Variants in ADAMTS19 observed in about 807,000 individuals in gnomAD.
ADAMTS19 encodes the protein ADAM metallopeptidase with thrombospondin type 1 motif 19.
ADAMTS19 carries 93 observed loss-of-function variants against 153.3 expected under a neutral mutation model. The observed-to-expected ratio is 0.61, with a 90% CI of 0.51 to 0.72. ADAMTS19 has a LOEUF of 0.72. ADAMTS19 is among the 30% of genes least tolerant of loss of function. The pLI is 0.00. For missense variants in ADAMTS19, 1,482 were observed against 1,552.1 expected, an observed-to-expected ratio of 0.95 and a Z score of 0.76; for synonymous variants, 600 against 556.6, an observed-to-expected ratio of 1.08 and a Z score of -1.10.
chr5:129,679,942 A>G (rs13179453), intron 17 of ADAMTS19, 21 bp downstream of exon 17: 26,281 of 1,599,512 alleles, frequency 0.016, 309 homozygotes, highest in Non-Finnish European at 0.02. Flanking sequence ...ATGAATTGAT[A>G]ACATGGCATA....
chr5:129,547,903 T>G (rs1277420926), intron 6 of ADAMTS19, among the ~76,000 whole-genome samples: 3 of 150,736 alleles, frequency 2.0e-5, no homozygotes, highest in Non-Finnish European at 4.4e-5. Flanking sequence ...TTGACAAACC[T>G]GACAAAAACA....
At chr5:129,504,872 GACACACACAC>G (rs34742030) in intron 2 of ADAMTS19, among the ~76,000 whole-genome samples, 9 of 148,110 alleles carry the variant, frequency 6.1e-5, no homozygotes, top group Non-Finnish European at 9.0e-5. Flanking sequence ...CACACACACA[GACACACACAC>G]ACACACACAC....
At chr5:129,503,193 C>G (rs1236712558) in intron 2 of ADAMTS19, among the ~76,000 whole-genome samples, 2 of 152,118 alleles carry the variant, frequency 1.3e-5, no homozygotes, top group Non-Finnish European at 2.9e-5. Context: ...TTCTCATAGC[C>G]TTATAGGCCT....
chr5:129,667,256 A>T (rs1316512307), intron 16 of ADAMTS19, among the ~76,000 whole-genome samples: 1 of 152,114 alleles, frequency 6.6e-6, no homozygotes. Context: ...ATATTCCCAT[A>T]CTATGGGGTT....
At chr5:129,602,057 C>G (rs1750671397) in intron 8 of ADAMTS19, among the ~76,000 whole-genome samples, 1 of 149,498 alleles carries the variant, frequency 6.7e-6, no homozygotes, top group African/African-American at 2.4e-5. Context: ...TTAGACCACT[C>G]AAACTTGTGA....
intron 18 of ADAMTS19, 23 bp from the exon 19 acceptor site, chr5:129,694,693 ATTTC>A: frequency 6.6e-7 from 1 of 1,506,614 alleles, no homozygotes; most frequent in Non-Finnish European, 8.9e-7. Context: ...TTATAATAAT[ATTTC>A]TTTGTTTATT....
chr5:129,461,834 T>A lies in ADAMTS19; in HGVS notation c.747+77T>A. The A allele has an allele frequency of 6.9e-7, 1 of 1,446,696 alleles. No homozygotes were observed. The highest frequency in any genetic ancestry group is 1.5e-5 in the South Asian group (1 of 66,754). The allele number at this position is 1,446,696 out of a possible 1,614,324, so 89.6% of individuals were successfully genotyped here. A position where few individuals can be genotyped will look rare whatever the true frequency, so the allele number is the denominator to read the frequency against. On this transcript the variant is annotated intron_variant, in intron 2 of 22. Coordinates refer to ENST00000274487, the MANE Select transcript of ADAMTS19 (RefSeq NM_133638.6). This position sits in a 1 kb window ranked among gnomAD's most constrained non-coding sequence, Gnocchi z 4.6. ...TGCCCATAGGTCAGGATGATTTGCA[T>A]GCACCTTCTCCCCTTTCAGTGTGCT...
At chr5:129,729,184 A>G (rs1303860519) in intron 21 of ADAMTS19, among the ~76,000 whole-genome samples, 2 of 152,116 alleles carry the variant, frequency 1.3e-5, no homozygotes, top group Admixed American at 1.3e-4. Context: ...TTATTTGCTA[A>G]AGGCAAATAA....
At chr5:129,616,436 C>A (rs1180045094) in intron 8 of ADAMTS19, among the ~76,000 whole-genome samples, 1 of 151,856 alleles carries the variant, frequency 6.6e-6, no homozygotes, top group African/African-American at 2.4e-5. Context: ...TTACTGTTTA[C>A]AAATCAGATC....
At chr5:129,494,029 A>G (rs933354874) in intron 2 of ADAMTS19, among the ~76,000 whole-genome samples, 42 of 152,126 alleles carry the variant, frequency 2.8e-4, no homozygotes, top group African/African-American at 9.2e-4. Context: ...CAAAACTTCT[A>G]TCCATTAATA....
intron 21 of ADAMTS19, among the ~76,000 whole-genome samples, chr5:129,732,850 T>C (rs1321697625): frequency 6.6e-6 from 1 of 152,068 alleles, no homozygotes; most frequent in Non-Finnish European, 1.5e-5. Context: ...ATAGCCTGAA[T>C]AGCTGAAGCA....
At chr5:129,658,235 G>A (rs763122328) in intron 14 of ADAMTS19, among the ~76,000 whole-genome samples, 6 of 151,646 alleles carry the variant, frequency 4.0e-5, no homozygotes, top group East Asian at 3.9e-4. Context: ...GCAGTGAGCC[G>A]AGATGGAGCC....
intron 7 of ADAMTS19, among the ~76,000 whole-genome samples, chr5:129,574,422 G>A (rs1035521904): frequency 2.6e-5 from 4 of 151,840 alleles, no homozygotes; most frequent in East Asian, 3.9e-4. Flanking sequence ...CCCTCCCCTC[G>A]CACCCCAATC....
At chr5:129,719,702 T>C (rs1443436962) in intron 21 of ADAMTS19, among the ~76,000 whole-genome samples, 3 of 152,098 alleles carry the variant, frequency 2.0e-5, no homozygotes, top group Admixed American at 6.6e-5. Context: ...ATGATTAAAG[T>C]AAAATATCAA....
At position 129,460,375 on chromosome 5, in the gene ADAMTS19, G is replaced by T; in HGVS notation, c.-17G>T. ...AGGCGTGCGCCGGGCGAGAAGCCGC[G>T]GCCGCGGGAGCGCAGTATGGGGAAG... On this transcript the variant is annotated 5_prime_UTR_variant, in exon 1 of 23. Transcript: ENST00000274487. The T allele has an allele frequency of 6.2e-7, 1 of 1,610,544 alleles. No individual in the cohort carries two copies. Among genetic ancestry groups the T allele is most frequent in the Non-Finnish European group, 8.5e-7 (1 of 1,178,678 alleles).
chr5:129,689,813 C>G (rs563857919), intron 18 of ADAMTS19, among the ~76,000 whole-genome samples: 21 of 152,160 alleles, frequency 1.4e-4, no homozygotes, highest in African/African-American at 5.1e-4. Context: ...TCCATTTTTT[C>G]TCTGCATTAT....
chr5:129,657,290 C>G (rs925381398), intron 14 of ADAMTS19, among the ~76,000 whole-genome samples: 14 of 152,248 alleles, frequency 9.2e-5, no homozygotes, highest in African/African-American at 3.1e-4. Context: ...GCTAGCTTCC[C>G]CCACCCCAAC....
rs141453253 is a variant in ADAMTS19, at chr5:129,608,774, G to A, written c.1479-11844G>A. ...AGACCTGAGAATTGCTCAAACCTGGGAGGCAGAGGTTGCAGTGAGCTGAGA... is the reference window on the plus strand; with the variant it reads ...AGACCTGAGAATTGCTCAAACCTGGAAGGCAGAGGTTGCAGTGAGCTGAGA... On this transcript the variant is annotated intron_variant, in intron 8 of 22. Transcript: ENST00000274487. Among the ~76,000 whole-genome samples the A allele has an allele frequency of 4.6e-5, 7 of 151,094 alleles. No homozygotes were observed. The East Asian group carries it at 1.2e-3, about 25-fold the overall frequency.
intron 7 of ADAMTS19, among the ~76,000 whole-genome samples, chr5:129,555,183 A>G (rs1753272252): frequency 6.6e-6 from 1 of 152,082 alleles, no homozygotes; most frequent in South Asian, 2.1e-4. Context: ...TTTGGATCAT[A>G]TAGGGTTGAA....
Sources: gnomAD v4.1 joint callset for allele counts (sites outside exome capture counted in the v4.1 genomes callset) on GRCh38, gnomAD v4.1.1 for gene constraint, Gnocchi (gnomAD v3.1) non-coding constraint, MANE v1.5 for transcripts, NCBI Gene and HGNC (gene_info 2026-07-23, HGNC 2026-07-21) for gene names.